The following LINGO1 variants were observed in gnomAD, a reference collection of about 807,000 sequenced individuals.
The protein encoded by LINGO1 is leucine rich repeat and Ig domain containing 1, also known as leucine-rich repeat and immunoglobulin-like domain-containing nogo receptor-interacting protein 1.
Under a neutral mutation model 37.3 loss-of-function variants are expected in LINGO1, and 11 were observed. That is an observed-to-expected ratio of 0.29 (90% CI 0.19 to 0.49). LINGO1 has a LOEUF of 0.49. LINGO1 is among the 20% of genes least tolerant of loss of function. The pLI is 0.99. For missense variants in LINGO1, 585 were observed against 878.2 expected, an observed-to-expected ratio of 0.67 and a Z score of 4.22; for synonymous variants, 387 against 403.0, an observed-to-expected ratio of 0.96 and a Z score of 0.48.
chr15:77,789,562 G>C (rs1249021347), upstream of LINGO1, among the ~76,000 whole-genome samples: 1 of 152,162 alleles, frequency 6.6e-6, no homozygotes, highest in Non-Finnish European at 1.5e-5. Flanking sequence ...AGCTGAGATA[G>C]AGCCACTGGA....
chr15:77,789,700 A>C (rs959378367), upstream of LINGO1, among the ~76,000 whole-genome samples: 4 of 152,208 alleles, frequency 2.6e-5, no homozygotes, highest in Non-Finnish European at 5.9e-5. Context: ...GCCATCTACA[A>C]GCCAAGGAGA....
chr15:77,815,998 G>A (rs765400563), intron 1 of LINGO1, among the ~76,000 whole-genome samples: 3 of 152,096 alleles, frequency 2.0e-5, no homozygotes, highest in Non-Finnish European at 2.9e-5. Flanking sequence ...TTCCTAGAAA[G>A]CCCCCACTCA....
rs573400247 is a variant in LINGO1 at position 77,620,770 on chromosome 15, G to C, written c.7-4870C>G. ...TGTGGGAGGGGGGCTCAGGATGGTG[G>C]GCTCCCTTCCTTGGGGCATCACATT... On this transcript the variant is annotated intron_variant, in intron 1 of 1. Transcript: ENST00000355300. 3.9e-5 allele frequency among the ~76,000 whole-genome samples: 6 copies of C among 152,316 alleles called. No individual in the cohort carries two copies. The South Asian group carries it at 1.0e-3, about 26-fold the overall frequency.
At chr15:77,738,815 A>AGAAG (rs1354250124) in intron 1 of LINGO1, among the ~76,000 whole-genome samples, 6 of 109,722 alleles carry the variant, frequency 5.5e-5, no homozygotes, top group Non-Finnish European at 9.7e-5. Flanking sequence ...AAGGAAGGAA[A>AGAAG]GAAGGAAGGA....
chr15:77,803,126 C>T (rs1319591760), intron 1 of LINGO1, among the ~76,000 whole-genome samples: 1 of 152,188 alleles, frequency 6.6e-6, no homozygotes, highest in Non-Finnish European at 1.5e-5. Context: ...GGAGTGAAGC[C>T]CCTCTGGTAC....
chr15:77,785,315 G>A (rs949845669), intron 1 of LINGO1, among the ~76,000 whole-genome samples: 1 of 152,146 alleles, frequency 6.6e-6, no homozygotes, highest in Non-Finnish European at 1.5e-5. Context: ...AAGGCGGCCC[G>A]CAGGCTGATC....
At chr15:77,711,883 A>AG (rs5813878) in intron 2 of LINGO1, among the ~76,000 whole-genome samples, 53,083 of 150,386 alleles carry the variant, frequency 0.35, 9,510 homozygotes, top group East Asian at 0.6. Flanking sequence ...CTCTCCTCTG[A>AG]GGGGGGGGCA....
At chr15:77,769,431 C>T (rs1260200972) in intron 1 of LINGO1, among the ~76,000 whole-genome samples, 1 of 152,224 alleles carries the variant, frequency 6.6e-6, no homozygotes, top group African/African-American at 2.4e-5. Flanking sequence ...CTCCCACTCG[C>T]ACACCCTGGG....
At chr15:77,780,899 C>T (rs547038862) in intron 1 of LINGO1, among the ~76,000 whole-genome samples, 18 of 152,196 alleles carry the variant, frequency 1.2e-4, no homozygotes, top group African/African-American at 4.3e-4. Flanking sequence ...CAGAACTGGG[C>T]TTGTGTGGTT....
intron 2 of LINGO1, among the ~76,000 whole-genome samples, chr15:77,727,323 G>T (rs1401294191): frequency 6.6e-6 from 1 of 152,180 alleles, no homozygotes; most frequent in Non-Finnish European, 1.5e-5. Flanking sequence ...CAATAGCCAA[G>T]AGATGGAAAC....
intron 1 of LINGO1, among the ~76,000 whole-genome samples, chr15:77,624,364 T>C (rs1301535734): frequency 6.6e-6 from 1 of 152,064 alleles, no homozygotes; most frequent in African/African-American, 2.4e-5. Flanking sequence ...CAGTGCCTGC[T>C]GGAGGATGCT....
intron 3 of LINGO1, among the ~76,000 whole-genome samples, chr15:77,653,017 G>A (rs1216249032): frequency 1.3e-5 from 2 of 152,238 alleles, no homozygotes; most frequent in Non-Finnish European, 2.9e-5. Flanking sequence ...GATTGGGAAG[G>A]GGGAAATGCA....
At chr15:77,802,430 T>C (rs1284455894) in intron 1 of LINGO1, among the ~76,000 whole-genome samples, 2 of 151,938 alleles carry the variant, frequency 1.3e-5, no homozygotes, top group Non-Finnish European at 2.9e-5. Flanking sequence ...TGTGTGTGTG[T>C]GTTTGTGTGT....
At chr15:77,716,104 A>G (rs1370956278) in intron 2 of LINGO1, among the ~76,000 whole-genome samples, 1 of 152,110 alleles carries the variant, frequency 6.6e-6, no homozygotes, top group Non-Finnish European at 1.5e-5. Context: ...TCTTATCTCT[A>G]TTTTATAGAA....
chr15:77,813,864 G>A lies in LINGO1; in HGVS notation c.-458+6394C>T, dbSNP rs139853352. On this transcript the variant is annotated intron_variant, in intron 1 of 5. Transcript: ENST00000562933. ...TCTAAGGTTATACACCTTACACAAA[G>A]AAAGGGCCAGGGCCCAGCGCCCTCC... 9.9e-3 allele frequency among the ~76,000 whole-genome samples: 1,513 copies of A among 152,304 alleles called. 20 individuals are homozygous for A. The highest frequency in any genetic ancestry group is 0.035 in the African/African-American group (1,449 of 41,554).
At chr15:77,756,554 A>G (rs2141374877) in intron 1 of LINGO1, among the ~76,000 whole-genome samples, 2 of 152,234 alleles carry the variant, frequency 1.3e-5, no homozygotes, top group East Asian at 3.9e-4. Context: ...ACATACACAT[A>G]CATACCATCA....
intron 1 of LINGO1, among the ~76,000 whole-genome samples, chr15:77,780,572 G>A (rs996594815): frequency 3.3e-5 from 5 of 152,054 alleles, no homozygotes; most frequent in South Asian, 2.1e-4. Flanking sequence ...ATGCAATATC[G>A]TCAGAGGACA....
chr15:77,684,444 C>T (rs1000067353), intron 2 of LINGO1, among the ~76,000 whole-genome samples: 1 of 152,224 alleles, frequency 6.6e-6, no homozygotes, highest in African/African-American at 2.4e-5. Context: ...GTGCTTGGCA[C>T]ACAGGGCTGG....
At chr15:77,701,567 G>A (rs1314283848) in intron 2 of LINGO1, among the ~76,000 whole-genome samples, 1 of 152,172 alleles carries the variant, frequency 6.6e-6, no homozygotes, top group Non-Finnish European at 1.5e-5. Flanking sequence ...GGTGGGGCCT[G>A]GTGGAAGATG....
Sources: gnomAD v4.1 joint callset for allele counts (sites outside exome capture counted in the v4.1 genomes callset) on GRCh38, gnomAD v4.1.1 for gene constraint, MANE v1.5 for transcripts, NCBI Gene and HGNC (gene_info 2026-07-23, HGNC 2026-07-21) for gene names.